UGT1A7: variants seen among roughly 807,000 people sequenced by gnomAD.
UGT1A7 encodes UDP-glucuronosyltransferase 1A7.
A neutral mutation model predicts 45.6 loss-of-function variants in UGT1A7; 33 were observed. The ratio of observed to expected loss-of-function variants is 0.72; its 90% CI spans 0.55 to 0.97. The LOEUF (loss-of-function observed/expected upper bound fraction) is 0.97. UGT1A7 is among the 50% of genes least tolerant of loss of function. The pLI is 0.00. For missense variants in UGT1A7, 684 were observed against 666.2 expected (o/e 1.03, Z -0.29); for synonymous variants, 274 against 250.6 (o/e 1.09, Z -0.88).
chr2:233,711,548 T>C (rs532543764), intron 1 of UGT1A7, among the ~76,000 whole-genome samples: 27 of 152,192 alleles, frequency 1.8e-4, no homozygotes, highest in Non-Finnish European at 3.4e-4. Context: ...CATCCTCCCC[T>C]GGAGAGTTCC....
intron 1 of UGT1A7, among the ~76,000 whole-genome samples, chr2:233,722,767 A>G (rs2077035171): frequency 6.6e-6 from 1 of 151,610 alleles, no homozygotes; most frequent in Non-Finnish European, 1.5e-5. Flanking sequence ...CTGTTACCTA[A>G]TTCTGATATT....
At chr2:233,688,515 C>T (rs953054685) in intron 1 of UGT1A7, among the ~76,000 whole-genome samples, 4 of 152,002 alleles carry the variant, frequency 2.6e-5, no homozygotes, top group Admixed American at 6.6e-5. Flanking sequence ...CAGTGAAATG[C>T]GCCTAGAGTG....
intron 1 of UGT1A7, chr2:233,717,679 T>C (rs1575517929): frequency 6.9e-6 from 3 of 437,064 alleles, no homozygotes; most frequent in Admixed American, 4.8e-5. Flanking sequence ...TGCGAGCACA[T>C]GTAGGAGTGA....
chr2:233,729,495 C>T, intron 1 of UGT1A7: 1 of 1,614,190 alleles, frequency 6.2e-7, no homozygotes, highest in Non-Finnish European at 8.5e-7. Flanking sequence ...TGTCTTTGGT[C>T]TATCATAGGT....
Position 233,719,236 on chromosome 2 carries a change from G to C in UGT1A7, c.855+36444G>C, listed in dbSNP as rs766129715. The C allele has an allele frequency of 2.5e-5, 41 of 1,614,064 alleles. 1 individual carries two copies. The South Asian group carries it at 4.4e-4, about 17-fold the overall frequency. On this transcript the variant is annotated intron_variant, in intron 1 of 4. Transcript: ENST00000373426. ...CTACTGCATAATGAGGCCCTGATCA[G>C]GCACCTGAATGCTACTTCCTTTGAT...
At chr2:233,730,917 C>G (rs760966477) in intron 1 of UGT1A7, among the ~76,000 whole-genome samples, 3 of 152,138 alleles carry the variant, frequency 2.0e-5, no homozygotes, top group Non-Finnish European at 4.4e-5. Flanking sequence ...ATTTCAGAGG[C>G]AGCTTTCATT....
intron 1 of UGT1A7, among the ~76,000 whole-genome samples, chr2:233,699,779 A>G (rs1414060236): frequency 6.6e-6 from 1 of 152,200 alleles, no homozygotes; most frequent in African/African-American, 2.4e-5. Context: ...TCTGTTCCCA[A>G]GTTTCCTCCT....
At chr2:233,735,563 C>T (rs530958068) in intron 1 of UGT1A7, among the ~76,000 whole-genome samples, 4 of 152,230 alleles carry the variant, frequency 2.6e-5, no homozygotes, top group East Asian at 1.9e-4. Flanking sequence ...ATGGTGTTAT[C>T]GGGTTATTTT....
At position 233,772,877 on chromosome 2, in the gene UGT1A7, G is replaced by C; in HGVS notation, c.*318G>C. The C allele has an allele frequency of 1.7e-6, 1 of 579,394 alleles. No homozygotes were observed. Among genetic ancestry groups the C allele is most frequent in the South Asian group, 2.3e-5 (1 of 42,896 alleles). The allele number at this position is 579,394 out of a possible 1,614,324, so 35.9% of individuals were successfully genotyped here. ...TGAAACATGGCCTGTTTGGGAGTGC[G>C]GGATTCAAAGGTGGTCCCACGGCTG... On this transcript the variant is annotated 3_prime_UTR_variant, in exon 5 of 5. Coordinates refer to ENST00000373426, the MANE Select transcript of UGT1A7 (RefSeq NM_019077.3).
chr2:233,724,324 G>A (rs1335235412), intron 1 of UGT1A7, among the ~76,000 whole-genome samples: 16 of 147,022 alleles, frequency 1.1e-4, no homozygotes, highest in African/African-American at 1.5e-4. Flanking sequence ...GGGGCGGCTG[G>A]CCAGGCGGGG....
intron 1 of UGT1A7, among the ~76,000 whole-genome samples, chr2:233,697,298 A>G (rs1046894333): frequency 6.6e-6 from 1 of 152,102 alleles, no homozygotes; most frequent in Non-Finnish European, 1.5e-5. Flanking sequence ...TTCTTCATTC[A>G]ATCTTGGTAG....
chr2:233,697,784 C>A (rs1333897436), intron 1 of UGT1A7, among the ~76,000 whole-genome samples: 1 of 151,880 alleles, frequency 6.6e-6, no homozygotes, highest in African/African-American at 2.4e-5. Context: ...CATTTTCATT[C>A]GTTTCAAGTA....
intron 1 of UGT1A7, among the ~76,000 whole-genome samples, chr2:233,766,144 C>T (rs2126022792): frequency 6.6e-6 from 1 of 152,268 alleles, no homozygotes; most frequent in South Asian, 2.1e-4. Flanking sequence ...TCGAATCCCA[C>T]CTGGGCTTGG....
Position 233,729,933 on chromosome 2 carries a change from C to T in UGT1A7, c.856-37101C>T, listed in dbSNP as rs759524268. The T allele has an allele frequency of 1.9e-5, 31 of 1,614,088 alleles. No homozygotes were observed. The African/African-American group carries it at 3.9e-4, about 20-fold the overall frequency. Reference sequence around the variant, plus strand: ...TTGTGATGGACTACCCCAGGCCAATCATGCCCAACATGGTCTTCATTGGGG... The same window carrying T: ...TTGTGATGGACTACCCCAGGCCAATTATGCCCAACATGGTCTTCATTGGGG... On this transcript the variant is annotated intron_variant, in intron 1 of 4. Transcript: ENST00000373426.
rs45510694 is a variant in UGT1A7, at chr2:233,718,970, G to C, written c.855+36178G>C. ...TCAGCATGCGGGAGGCCTTGCGGGA[G>C]CTCCATGCCAGAGGCCACCAGGCGG... On this transcript the variant is annotated intron_variant, in intron 1 of 4. Coordinates refer to ENST00000373426, the MANE Select transcript of UGT1A7 (RefSeq NM_019077.3). 4.6e-4 allele frequency: 737 copies of C among 1,614,150 alleles called. 2 individuals are homozygous for C. Among genetic ancestry groups the C allele is most frequent in the Middle Eastern group, 3.8e-3 (23 of 6,058 alleles).
chr2:233,724,284 G>A (rs1369103408), intron 1 of UGT1A7, among the ~76,000 whole-genome samples: 103 of 126,932 alleles, frequency 8.1e-4, no homozygotes, highest in Middle Eastern at 4.7e-3. Context: ...GGCCGGGCGG[G>A]GGGCTGACCC....
At chr2:233,767,781 T>A in intron 2 of UGT1A7, 68 bp from the exon 3 acceptor site, 1 of 1,613,388 alleles carries the variant, frequency 6.2e-7, no homozygotes, top group South Asian at 1.1e-5. Flanking sequence ...TTCTAGTTAG[T>A]ATAGCAGATT....
intron 1 of UGT1A7, chr2:233,717,704 A>C (rs1330764732): frequency 1.8e-5 from 8 of 450,922 alleles, no homozygotes; most frequent in Non-Finnish European, 2.7e-5. Flanking sequence ...CTGGAGCAGG[A>C]CGAGCCTCAT....
chr2:233,706,700 A>G (rs934221119), intron 1 of UGT1A7, among the ~76,000 whole-genome samples: 1 of 152,156 alleles, frequency 6.6e-6, no homozygotes, highest in African/African-American at 2.4e-5. Flanking sequence ...TTGTCACTGA[A>G]AAGTCATGGA....
Sources: allele counts gnomAD v4.1 joint callset (sites outside exome capture counted in the v4.1 genomes callset), GRCh38; gene constraint gnomAD v4.1.1; transcripts MANE v1.5; gene names NCBI Gene and HGNC (gene_info 2026-07-23, HGNC 2026-07-21).